The following NOTCH2 variants were observed in gnomAD, a reference collection of about 807,000 sequenced individuals.
NOTCH2 encodes notch receptor 2, also known as neurogenic locus notch homolog protein 2.
Under a neutral mutation model 235.8 loss-of-function variants are expected in NOTCH2, and 29 were observed. The ratio of observed to expected loss-of-function variants is 0.12; its 90% CI spans 0.09 to 0.17. The LOEUF (loss-of-function observed/expected upper bound fraction) is 0.17. Ranked by LOEUF, NOTCH2 falls within the 10% of genes least tolerant of loss-of-function variation. NOTCH2 has a pLI of 1.00. For missense variants in NOTCH2, 2,285 were observed against 3,150.2 expected, an observed-to-expected ratio of 0.73 and a Z score of 6.57; for synonymous variants, 1,086 against 1,141.5, an observed-to-expected ratio of 0.95 and a Z score of 0.98.
rs151106443 is a variant in NOTCH2, at chr1:119,917,808, G to A, written c.5930-46C>T. ...TATAAACAGACATATCCTACTCTTA[G>A]TATAAGACACTATGACTTGCACAAT... On this transcript the variant is annotated intron_variant, in intron 32 of 33. Coordinates refer to ENST00000256646, the MANE Select transcript of NOTCH2 (RefSeq NM_024408.4). 413 of 1,124,448 alleles carry A rather than the reference G, an allele frequency of 3.7e-4. 1 individual carries two copies. The highest frequency in any genetic ancestry group is 5.0e-4 in the Non-Finnish European group (369 of 734,282). The allele number at this position is 1,124,448 out of a possible 1,614,324, so 69.7% of individuals were successfully genotyped here. A position where few individuals can be genotyped will look rare whatever the true frequency, so the allele number is the denominator to read the frequency against.
rs1220646595 is a variant in NOTCH2, at chr1:119,987,085, G to A, written c.752-3C>T. On this transcript the variant is annotated splice_polypyrimidine_tract_variant and splice_region_variant and intron_variant, in intron 4 of 33. Coordinates refer to ENST00000256646, the MANE Select transcript of NOTCH2 (RefSeq NM_024408.4). ...CTCACAGGTGCTCCCTTCAAAACCT[G>A]GTAAATGAAGAACAAATGAAAATGA... The A allele has an allele frequency of 1.2e-6, 2 of 1,613,198 alleles. No individual in the cohort carries two copies. Among genetic ancestry groups the A allele is most frequent in the African/African-American group, 2.7e-5 (2 of 74,820 alleles).
Position 119,987,040 on chromosome 1 carries a change from G to C in NOTCH2, c.794C>G (p.Pro265Arg), listed in dbSNP as rs1553202303. 3 of 1,613,692 alleles carry C rather than the reference G, an allele frequency of 1.9e-6. No homozygotes were observed. The South Asian group carries it at 3.3e-5, about 18-fold the overall frequency. Residue 265 changes from proline to arginine, a missense_variant, in exon 5 of 34, where the codon CCT becomes CGT. By Grantham distance (103) the Pro-to-Arg change is moderately radical. Coordinates refer to ENST00000256646, the MANE Select transcript of NOTCH2 (RefSeq NM_024408.4). ...STCERNIDDC[P>R]NHRCQNGGVC... ...CCCTCCATTCTGACACCTGTGGTTA[G>C]GGCAGTCATCAATATTCCTCTCACA...
intron 2 of NOTCH2, among the ~76,000 whole-genome samples, chr1:120,027,868 G>C (rs2101321852): frequency 6.8e-6 from 1 of 146,142 alleles, no homozygotes; most frequent in East Asian, 1.9e-4. Context: ...TCTTTATCCA[G>C]TCTATCACCG....
chr1:119,996,526 G>T (rs1199177501), intron 4 of NOTCH2: 5 of 629,922 alleles, frequency 7.9e-6, no homozygotes, highest in Non-Finnish European at 1.4e-5. Context: ...GGGCAGCTGG[G>T]TGCATTTAGG....
rs1570663955 is a variant in NOTCH2, at chr1:119,925,548, G to A, written c.4268C>T (p.Ala1423Val). The A allele has an allele frequency of 6.2e-7, 1 of 1,614,184 alleles. No individual in the cohort carries two copies. The highest frequency in any genetic ancestry group is 8.5e-7 in the Non-Finnish European group (1 of 1,180,040). The change falls in exon 25 of 34, where the codon GCC becomes GTC. Residue 1423 changes from alanine to valine, a missense_variant. Physicochemically the swap from Ala to Val is moderately conservative, Grantham distance 64. Around this residue, in one of 6 missense-constraint regions of NOTCH2, gnomAD observed 1,173 missense variants for 1,515.3 expected, o/e 0.77. Transcript: ENST00000256646. Reference protein sequence around the residue: ...LYTAPPSTPPATCLSQYCADK... With the variant: ...LYTAPPSTPPVTCLSQYCADK... ...GGCACAATACTGGCTCAGACAGGTG[G>A]CAGGAGGGGTGCTGGGGGGTGCCGT...
intron 15 of NOTCH2, 30 bp downstream of exon 15, chr1:119,950,694 C>G (rs1553197678): frequency 1.4e-6 from 2 of 1,394,418 alleles, no homozygotes; most frequent in South Asian, 2.3e-5. Context: ...AGTATCCCCT[C>G]TGGTCCCTGC....
intron 5 of NOTCH2, among the ~76,000 whole-genome samples, chr1:119,973,593 A>C (rs1261286918): frequency 6.6e-6 from 1 of 152,186 alleles, no homozygotes; most frequent in East Asian, 1.9e-4. Flanking sequence ...TGATCAACAC[A>C]ATCTACAGAT....
At chr1:119,999,151 C>T (rs1415479571) in intron 3 of NOTCH2, among the ~76,000 whole-genome samples, 4 of 147,318 alleles carry the variant, frequency 2.7e-5, no homozygotes, top group South Asian at 2.2e-4. Flanking sequence ...AATAAACATA[C>T]GTGTGCATGT....
Position 119,922,715 on chromosome 1 carries a change from C to A in NOTCH2, c.4923G>T (p.Lys1641Asn), listed in dbSNP as rs1441578125. Residue 1641 changes from lysine (K) to asparagine (N), a missense_variant, in exon 27 of 34, where the codon AAG (lysine) becomes AAT (asparagine). This residue lies in a region of NOTCH2 where 1,173 missense variants were observed against 1,515.3 expected (regional missense o/e 0.77). Transcript: ENST00000256646. ...QCVQDSDHCF[K>N]NTDAAAALLA... Reference sequence around the variant, plus strand: ...GGAGAGCTGCTGCTGCATCCGTGTTCTTGAAGCAGTGGTCTGAGTCTTGAA... The same window carrying A: ...GGAGAGCTGCTGCTGCATCCGTGTTATTGAAGCAGTGGTCTGAGTCTTGAA... 1 of 1,614,202 alleles carries A rather than the reference C, an allele frequency of 6.2e-7. No homozygotes were observed. The highest frequency in any genetic ancestry group is 8.5e-7 in the Non-Finnish European group (1 of 1,180,044).
intron 3 of NOTCH2, among the ~76,000 whole-genome samples, chr1:119,997,890 C>T (rs1652532983): frequency 7.0e-6 from 1 of 143,292 alleles, no homozygotes; most frequent in Admixed American, 6.8e-5. Flanking sequence ...AGAAGAATCA[C>T]TTGAACCCAG....
At chr1:119,926,238 GT>G (rs1649467196) in intron 24 of NOTCH2, among the ~76,000 whole-genome samples, 1 of 152,158 alleles carries the variant, frequency 6.6e-6, no homozygotes, top group South Asian at 2.1e-4. Context: ...TTTTCCCTTA[GT>G]TTTTCTTAAG....
Position 119,915,214 on chromosome 1 carries a change from G to A in NOTCH2, c.*92C>T, listed in dbSNP as rs770133306. 16 of 1,336,596 alleles carry A rather than the reference G, an allele frequency of 1.2e-5. No individual in the cohort carries two copies. Among genetic ancestry groups the A allele is most frequent in the Non-Finnish European group, 1.7e-5 (16 of 938,264 alleles). The allele number at this position is 1,336,596 out of a possible 1,614,324, so 82.8% of individuals were successfully genotyped here. A position where few individuals can be genotyped will look rare whatever the true frequency, so the allele number is the denominator to read the frequency against. ...CCTACCTCTAGAAGCTGGCTCCAGA[G>A]ATTTCTTCATTTCTCTCCCGGATGA... On this transcript the variant is annotated 3_prime_UTR_variant, in exon 34 of 34. Transcript: ENST00000256646.
At chr1:119,988,746 G>C (rs1324200530) in intron 4 of NOTCH2, among the ~76,000 whole-genome samples, 1 of 152,152 alleles carries the variant, frequency 6.6e-6, no homozygotes, top group Non-Finnish European at 1.5e-5. Flanking sequence ...GAGAGGTCTG[G>C]TGGTGTAGTA....
intron 4 of NOTCH2, chr1:119,995,602 A>T (rs1317594908): frequency 6.6e-5 from 10 of 152,254 alleles, no homozygotes; most frequent in African/African-American, 2.4e-4. Context: ...TTCTTCTACA[A>T]GATAAAGTGA....
rs587641573 is a variant in NOTCH2 at position 119,935,475 on chromosome 1, G to A, written c.3652C>T (p.Arg1218Trp). 1.2e-5 allele frequency: 20 copies of A among 1,614,116 alleles called. No homozygotes were observed. Among genetic ancestry groups the A allele is most frequent in the African/African-American group, 8.0e-5 (6 of 75,010 alleles). Residue 1218 changes from arginine (R) to tryptophan (W), a missense_variant, in exon 22 of 34, where the codon CGG becomes TGG. Around this residue, in one of 6 missense-constraint regions of NOTCH2, gnomAD observed 1,173 missense variants for 1,515.3 expected, o/e 0.77. Coordinates refer to ENST00000256646, the MANE Select transcript of NOTCH2 (RefSeq NM_024408.4). ...ATGGATAAGGATGATTTCATACCCC[G>A]AGTGCCTGGTGGGCAAGAGCACTTG... Reference protein sequence around the residue: ...HFKCSCPPGTRGLLCEENIDD... With the variant: ...HFKCSCPPGTWGLLCEENIDD...
intron 5 of NOTCH2, among the ~76,000 whole-genome samples, chr1:119,972,179 G>C (rs1173538548): frequency 1.3e-5 from 2 of 151,992 alleles, no homozygotes; most frequent in Non-Finnish European, 2.9e-5. Context: ...AGGAATCAGA[G>C]AGTGAAGGAG....
chr1:119,946,476 C>G (rs1447939551), intron 17 of NOTCH2, among the ~76,000 whole-genome samples: 3 of 151,924 alleles, frequency 2.0e-5, no homozygotes, highest in Non-Finnish European at 4.4e-5. Context: ...GAATATAGCC[C>G]ATAAATTTAA....
intron 2 of NOTCH2, among the ~76,000 whole-genome samples, chr1:120,029,394 A>T (rs1207472736): frequency 7.2e-5 from 11 of 152,002 alleles, no homozygotes; most frequent in Non-Finnish European, 1.6e-4. Flanking sequence ...TCTGTCACCC[A>T]GGCTAGAGTG....
intron 2 of NOTCH2, among the ~76,000 whole-genome samples, chr1:120,010,776 T>G (rs1653159087): frequency 6.6e-6 from 1 of 152,154 alleles, no homozygotes; most frequent in African/African-American, 2.4e-5. Flanking sequence ...CCTCCCTTCC[T>G]AGGTATATAC....
Sources: gnomAD v4.1 joint callset for allele counts (sites outside exome capture counted in the v4.1 genomes callset) on GRCh38, gnomAD v4.1.1 for gene constraint, gnomAD v4.1.1 regional missense constraint, MANE v1.5 for transcripts, NCBI Gene and HGNC (gene_info 2026-07-23, HGNC 2026-07-21) for gene names.